The following UBTD2 variants were observed in gnomAD, a reference collection of about 807,000 sequenced individuals.
UBTD2 encodes ubiquitin domain-containing protein 2.
In UBTD2, 9 loss-of-function variants were observed where a neutral mutation model predicts 19.8. That is an observed-to-expected ratio of 0.46 (90% CI 0.27 to 0.79). UBTD2 has a LOEUF of 0.79. Among genes scored for constraint, UBTD2 ranks in the 30% least tolerant of loss-of-function variants. The pLI is 0.14. For missense variants in UBTD2, 250 were observed against 300.4 expected, an observed-to-expected ratio of 0.83 and a Z score of 1.24; for synonymous variants, 98 against 103.9, an observed-to-expected ratio of 0.94 and a Z score of 0.35.
chr5:172,222,027 G>A (rs1410928049), intron 2 of UBTD2, among the ~76,000 whole-genome samples: 3 of 152,030 alleles, frequency 2.0e-5, no homozygotes, highest in Non-Finnish European at 4.4e-5. Flanking sequence ...AAATAAATAA[G>A]GGAAAAATCC....
chr5:172,243,568 T>C (rs1459992234), intron 1 of UBTD2, among the ~76,000 whole-genome samples: 1 of 149,004 alleles, frequency 6.7e-6, no homozygotes, highest in Admixed American at 6.7e-5. Flanking sequence ...TTTTTTTTTT[T>C]TTTTTTTTTA....
At chr5:172,277,420 C>T (rs191066658) in intron 1 of UBTD2, among the ~76,000 whole-genome samples, 3 of 152,078 alleles carry the variant, frequency 2.0e-5, no homozygotes, top group South Asian at 2.1e-4. Flanking sequence ...AAATTACAAA[C>T]TTTAGGTGAT....
At chr5:172,257,990 T>G (rs1024512496) in intron 1 of UBTD2, among the ~76,000 whole-genome samples, 2 of 152,234 alleles carry the variant, frequency 1.3e-5, no homozygotes, top group African/African-American at 4.8e-5. Context: ...TCTTTTGCTG[T>G]GCAGAAGCTC....
intron 2 of UBTD2, among the ~76,000 whole-genome samples, chr5:172,226,423 G>C (rs796459511): frequency 1.1e-4 from 16 of 152,244 alleles, no homozygotes; most frequent in African/African-American, 3.6e-4. Context: ...CCTCCCTTAT[G>C]AGGTTGTTGT....
intron 1 of UBTD2, chr5:172,255,312 T>C: frequency 2.2e-6 from 1 of 452,662 alleles, no homozygotes; most frequent in Non-Finnish European, 4.5e-6. Context: ...CATCAGGCAA[T>C]TGTGTGGAGT....
intron 2 of UBTD2, among the ~76,000 whole-genome samples, chr5:172,224,907 A>G (rs935877910): frequency 3.7e-4 from 57 of 152,262 alleles, no homozygotes; most frequent in Non-Finnish European, 6.5e-4. Flanking sequence ...GGATTTTTCT[A>G]TTTTTCCAAA....
At chr5:172,243,522 C>G (rs889377134) in intron 1 of UBTD2, among the ~76,000 whole-genome samples, 1 of 148,148 alleles carries the variant, frequency 6.8e-6, no homozygotes, top group Non-Finnish European at 1.5e-5. Context: ...CACCTTGACT[C>G]AAACTTTCCA....
chr5:172,222,831 T>C (rs922895032), intron 2 of UBTD2, among the ~76,000 whole-genome samples: 1 of 152,222 alleles, frequency 6.6e-6, no homozygotes, highest in Non-Finnish European at 1.5e-5. Context: ...AGTTTAGGCT[T>C]AATACTACAG....
chr5:172,254,592 C>A, intron 1 of UBTD2: 2 of 643,528 alleles, frequency 3.1e-6, no homozygotes, highest in South Asian at 1.8e-5. Context: ...CAAGTGGGAG[C>A]TTTTAGCGTA....
intron 2 of UBTD2, among the ~76,000 whole-genome samples, chr5:172,220,345 G>A (rs1316924182): frequency 6.6e-6 from 1 of 152,150 alleles, no homozygotes; most frequent in Non-Finnish European, 1.5e-5. Flanking sequence ...CTACAAAAAA[G>A]CTATAGCTGG....
chr5:172,283,017 C>T lies in UBTD2; in HGVS notation c.70+579G>A, dbSNP rs1268991430. On this transcript the variant is annotated intron_variant, in intron 1 of 2. Transcript: ENST00000393792. This position sits in a 1 kb window ranked among gnomAD's most constrained non-coding sequence, Gnocchi z 4.3. ...GTTTTACCCGGGAAGACCGTTTCCC[C>T]ACCCCTCCTTAATACAATGCCTGCG... Among the ~76,000 whole-genome samples, 3 of 152,162 alleles carry T rather than the reference C, an allele frequency of 2.0e-5. No homozygotes were observed. Among genetic ancestry groups the T allele is most frequent in the African/African-American group, 7.2e-5 (3 of 41,430 alleles).
intron 1 of UBTD2, among the ~76,000 whole-genome samples, chr5:172,243,411 G>A (rs1040083539): frequency 5.1e-4 from 78 of 152,126 alleles, no homozygotes; most frequent in African/African-American, 1.7e-3. Flanking sequence ...TAAGACTAGA[G>A]AAGAGAGATG....
intron 1 of UBTD2, among the ~76,000 whole-genome samples, chr5:172,265,142 C>T (rs990296350): frequency 7.2e-5 from 11 of 152,152 alleles, no homozygotes; most frequent in Non-Finnish European, 1.6e-4. Context: ...GAATAAAATA[C>T]ACAAACACAA....
chr5:172,229,271 C>T (rs866927797), intron 2 of UBTD2, among the ~76,000 whole-genome samples: 23 of 151,766 alleles, frequency 1.5e-4, no homozygotes, highest in Admixed American at 2.0e-4. Flanking sequence ...GAGGCCGAGG[C>T]GGGTGGATCA....
intron 1 of UBTD2, among the ~76,000 whole-genome samples, chr5:172,241,045 G>T (rs1772116481): frequency 7.0e-6 from 1 of 143,484 alleles, no homozygotes; most frequent in Admixed American, 7.2e-5. Context: ...GCTTTACCAT[G>T]AGTTAACTTT....
At chr5:172,248,655 A>G (rs1244617258) in intron 1 of UBTD2, among the ~76,000 whole-genome samples, 1 of 151,768 alleles carries the variant, frequency 6.6e-6, no homozygotes, top group Non-Finnish European at 1.5e-5. Context: ...CCAGACACTC[A>G]GATGGCAGAG....
At chr5:172,223,586 C>CAAAAAAAAAAA (rs577474758) in intron 2 of UBTD2, among the ~76,000 whole-genome samples, 2 of 33,128 alleles carry the variant, frequency 6.0e-5, no homozygotes, top group African/African-American at 2.6e-4. Flanking sequence ...GCGACGGAGT[C>CAAAAAAAAAAA]AAAAAAAAAA....
chr5:172,265,303 C>T (rs1267426974), intron 1 of UBTD2, among the ~76,000 whole-genome samples: 1 of 152,140 alleles, frequency 6.6e-6, no homozygotes, highest in Admixed American at 6.6e-5. Context: ...ATAATTTCAC[C>T]CAAAACCGAA....
intron 2 of UBTD2, among the ~76,000 whole-genome samples, chr5:172,229,464 G>A (rs1483854417): frequency 1.6e-5 from 2 of 126,230 alleles, no homozygotes; most frequent in Non-Finnish European, 1.5e-5. Context: ...TTGTGCCACT[G>A]CACTCCAGCC....
Sources: allele counts gnomAD v4.1 joint callset (sites outside exome capture counted in the v4.1 genomes callset), GRCh38; gene constraint gnomAD v4.1.1; non-coding constraint Gnocchi (gnomAD v3.1); transcripts MANE v1.5; gene names NCBI Gene and HGNC (gene_info 2026-07-23, HGNC 2026-07-21).